TRAPPC9: variants seen among roughly 807,000 people sequenced by gnomAD.
TRAPPC9 encodes IKK2 binding protein.
Under a neutral mutation model 124.0 loss-of-function variants are expected in TRAPPC9, and 83 were observed. The observed-to-expected ratio is 0.67, with a 90% CI of 0.56 to 0.80. The LOEUF (loss-of-function observed/expected upper bound fraction) is 0.80. Ranked by LOEUF, TRAPPC9 falls within the 30% of genes least tolerant of loss-of-function variation. TRAPPC9 has a pLI of 0.00. For synonymous variants in TRAPPC9, 638 were observed against 617.5 expected, an observed-to-expected ratio of 1.03 and a Z score of -0.49; for missense variants, 1,302 against 1,508.3, an observed-to-expected ratio of 0.86 and a Z score of 2.27.
intron 19 of TRAPPC9, among the ~76,000 whole-genome samples, chr8:139,980,653 T>C (rs1220670127): frequency 5.3e-5 from 8 of 152,326 alleles, no homozygotes; most frequent in Non-Finnish European, 8.8e-5. Context: ...TCCTACTTTA[T>C]GAAGAGCACT....
intron 21 of TRAPPC9, among the ~76,000 whole-genome samples, chr8:139,833,490 A>G (rs1826119033): frequency 6.6e-6 from 1 of 152,210 alleles, no homozygotes; most frequent in Admixed American, 6.5e-5. Context: ...GCTGGTCACG[A>G]AGAATCCGGC....
chr8:140,013,959 TCTCA>T (rs1188744701), intron 18 of TRAPPC9, among the ~76,000 whole-genome samples: 4 of 152,186 alleles, frequency 2.6e-5, no homozygotes, highest in African/African-American at 9.7e-5. Flanking sequence ...CGCATGGGGC[TCTCA>T]CTCCTGGTGT....
chr8:140,343,847 G>C (rs765433653), intron 9 of TRAPPC9, among the ~76,000 whole-genome samples: 3 of 152,142 alleles, frequency 2.0e-5, no homozygotes, highest in Non-Finnish European at 4.4e-5. Flanking sequence ...CATTGTCCCT[G>C]AGAACTAAGT....
rs76744943 is a variant in TRAPPC9, at chr8:139,965,321, C to T, written c.2810+23405G>A. On this transcript the variant is annotated intron_variant, in intron 19 of 22. Transcript: ENST00000438773. ...ACTTGCAATGTTGGGAGATTCTCCC[C>T]GCATGACAATCCTTGAAAAGCCACC... Among the ~76,000 whole-genome samples, 157 of 152,286 alleles carry T rather than the reference C, an allele frequency of 1.0e-3. 3 individuals are homozygous for T. In the East Asian group the frequency reaches 0.027, roughly 26 times the overall value.
intron 17 of TRAPPC9, among the ~76,000 whole-genome samples, chr8:140,089,713 C>A (rs1281323111): frequency 1.3e-5 from 2 of 152,136 alleles, no homozygotes; most frequent in Non-Finnish European, 2.9e-5. Context: ...AGCAGAGGGT[C>A]TGGCACACAG....
At chr8:139,953,557 C>G (rs1169395588) in intron 19 of TRAPPC9, among the ~76,000 whole-genome samples, 3 of 147,128 alleles carry the variant, frequency 2.0e-5, no homozygotes, top group Non-Finnish European at 4.5e-5. Flanking sequence ...GAAGACATGA[C>G]TCCAAACTGA....
chr8:140,079,763 C>G (rs1843712483), intron 17 of TRAPPC9, among the ~76,000 whole-genome samples: 1 of 152,144 alleles, frequency 6.6e-6, no homozygotes, highest in Non-Finnish European at 1.5e-5. Context: ...AACTCCATTT[C>G]TACTAAAAAT....
intron 17 of TRAPPC9, among the ~76,000 whole-genome samples, chr8:140,108,133 TAAG>T (rs1201018020): frequency 1.3e-5 from 2 of 151,990 alleles, no homozygotes; most frequent in Non-Finnish European, 2.9e-5. Flanking sequence ...GGCGGGGAGT[TAAG>T]AATTTCCCAG....
At chr8:139,774,539 C>T (rs1011464116) in intron 21 of TRAPPC9, among the ~76,000 whole-genome samples, 2 of 152,188 alleles carry the variant, frequency 1.3e-5, no homozygotes, top group African/African-American at 2.4e-5. Context: ...ACCCCCTTCC[C>T]GCTGACCGCC....
At position 140,241,645 on chromosome 8, in the gene TRAPPC9, A is replaced by T. The variant is rs1041112672; in HGVS notation, c.2431+11132T>A. On this transcript the variant is annotated intron_variant, in intron 16 of 22. Transcript: ENST00000438773. The surrounding 1 kb of genome is among the most constrained non-coding windows in gnomAD (Gnocchi z 5.0). ...GGGAGGCAGAGGTTGCAGTGAGCTG[A>T]GATAGTGCTACTGCACTCCAGCCTG... Among the ~76,000 whole-genome samples the T allele has an allele frequency of 2.6e-5, 4 of 152,186 alleles. No homozygotes were observed. The highest frequency in any genetic ancestry group is 9.7e-5 in the African/African-American group (4 of 41,440).
intron 21 of TRAPPC9, among the ~76,000 whole-genome samples, chr8:139,752,397 T>C (rs960421712): frequency 6.3e-5 from 9 of 142,390 alleles, no homozygotes; most frequent in African/African-American, 2.5e-4. Flanking sequence ...AATTGAACCA[T>C]CCACCCATCT....
chr8:140,437,956 G>A (rs1209971274), intron 3 of TRAPPC9, among the ~76,000 whole-genome samples: 2 of 152,192 alleles, frequency 1.3e-5, no homozygotes, highest in African/African-American at 4.8e-5. Context: ...AGAGATGGCT[G>A]TGCTTTGAAG....
intron 19 of TRAPPC9, among the ~76,000 whole-genome samples, chr8:139,949,591 T>C (rs1037034042): frequency 6.6e-6 from 1 of 152,224 alleles, no homozygotes; most frequent in Non-Finnish European, 1.5e-5. Context: ...TGATACATAC[T>C]TCAACATGAA....
chr8:139,975,927 CT>C (rs528679775), intron 19 of TRAPPC9, among the ~76,000 whole-genome samples: 5,916 of 95,406 alleles, frequency 0.062, 67 homozygotes, highest in African/African-American at 0.11. Context: ...AAAGGACAGT[CT>C]TTTTTTTTTT....
chr8:140,259,463 G>A (rs2064348837), intron 15 of TRAPPC9, among the ~76,000 whole-genome samples: 1 of 152,166 alleles, frequency 6.6e-6, no homozygotes, highest in African/African-American at 2.4e-5. Context: ...CCAGCTTCAG[G>A]ACAAAGGGCC....
chr8:140,305,174 C>T (rs976635266), intron 10 of TRAPPC9, among the ~76,000 whole-genome samples: 2 of 152,196 alleles, frequency 1.3e-5, no homozygotes, highest in Non-Finnish European at 2.9e-5. Flanking sequence ...AGTTACCTCA[C>T]AATCACGCTC....
chr8:140,440,118 G>A (rs961106195), intron 2 of TRAPPC9, among the ~76,000 whole-genome samples: 1 of 152,146 alleles, frequency 6.6e-6, no homozygotes, highest in Non-Finnish European at 1.5e-5. Context: ...TAAGGCAGAC[G>A]CAGAAAGAAA....
At chr8:139,965,357 G>A (rs1354382604) in intron 19 of TRAPPC9, among the ~76,000 whole-genome samples, 1 of 152,124 alleles carries the variant, frequency 6.6e-6, no homozygotes, top group Non-Finnish European at 1.5e-5. Flanking sequence ...TTTTCCCCAG[G>A]ATGACACCCT....
chr8:140,388,847 CA>C (rs59649390), intron 7 of TRAPPC9, among the ~76,000 whole-genome samples: 1,591 of 60,964 alleles, frequency 0.026, 6 homozygotes, highest in South Asian at 0.037. Flanking sequence ...GAGACTCCAT[CA>C]AAAAAAAAAA....
Sources: allele counts gnomAD v4.1 joint callset (sites outside exome capture counted in the v4.1 genomes callset), GRCh38; gene constraint gnomAD v4.1.1; non-coding constraint Gnocchi (gnomAD v3.1); transcripts MANE v1.5; gene names NCBI Gene and HGNC (gene_info 2026-07-23, HGNC 2026-07-21).